Variants in MRE11 observed in about 807,000 individuals in gnomAD.
MRE11 encodes double-strand break repair protein MRE11.
Under a neutral mutation model 91.7 loss-of-function variants are expected in MRE11, and 62 were observed. The observed-to-expected ratio is 0.68, with a 90% CI of 0.55 to 0.84. MRE11 has a LOEUF of 0.84. Ranked by LOEUF, MRE11 falls within the 40% of genes least tolerant of loss-of-function variation. The pLI is 0.00. For synonymous variants in MRE11, 273 were observed against 271.4 expected (o/e 1.01, Z -0.06); for missense variants, 796 against 852.9 (o/e 0.93, Z 0.83).
intron 7 of MRE11, among the ~76,000 whole-genome samples, chr11:94,474,118 G>C (rs1946789010): frequency 6.6e-6 from 1 of 152,132 alleles, no homozygotes; most frequent in Non-Finnish European, 1.5e-5. Flanking sequence ...AGCACACCTA[G>C]TACGCATTTG....
the MRE11 span, among the ~76,000 whole-genome samples, chr11:94,505,850 G>A: frequency 6.6e-6 from 1 of 152,076 alleles, no homozygotes; most frequent in African/African-American, 2.4e-5. Flanking sequence ...TATTTTTACC[G>A]TACCGTCTCT....
At chr11:94,423,780 C>G (rs1040302698) in intron 19 of MRE11, among the ~76,000 whole-genome samples, 1 of 152,224 alleles carries the variant, frequency 6.6e-6, no homozygotes, top group Non-Finnish European at 1.5e-5. Flanking sequence ...GACGATGGAG[C>G]CACAGGCTGG....
At chr11:94,491,861 A>G (rs13447588) in intron 2 of MRE11, among the ~76,000 whole-genome samples, 2,461 of 151,440 alleles carry the variant, frequency 0.016, 68 homozygotes, top group African/African-American at 0.057. Context: ...TGATATGCAC[A>G]CAGTTCTCAC....
At chr11:94,476,020 G>C (rs1183137672) in intron 7 of MRE11, among the ~76,000 whole-genome samples, 1 of 152,120 alleles carries the variant, frequency 6.6e-6, no homozygotes, top group Non-Finnish European at 1.5e-5. Flanking sequence ...TAAAGGAATG[G>C]ATAATCCAAC....
intron 19 of MRE11, 26 bp downstream of exon 19, chr11:94,429,885 A>C: frequency 6.4e-7 from 1 of 1,564,540 alleles, no homozygotes; most frequent in Non-Finnish European, 8.7e-7. Flanking sequence ...AAAATTAATT[A>C]AAATTTAACA....
intron 6 of MRE11, among the ~76,000 whole-genome samples, chr11:94,478,519 C>T (rs1370426966): frequency 2.0e-5 from 3 of 152,130 alleles, no homozygotes; most frequent in African/African-American, 7.2e-5. Context: ...CAGGATTCTA[C>T]ACCTGAGTCT....
chr11:94,510,936 T>A, the MRE11 span, among the ~76,000 whole-genome samples: 1 of 152,202 alleles, frequency 6.6e-6, no homozygotes. Flanking sequence ...TTTTTGTATG[T>A]TTTGTTCATG....
chr11:94,442,495 TAAAAC>T (rs1945808818), intron 16 of MRE11, among the ~76,000 whole-genome samples: 1 of 151,428 alleles, frequency 6.6e-6, no homozygotes, highest in Non-Finnish European at 1.5e-5. Context: ...AAAAGAAAAA[TAAAAC>T]AAGACAGGAC....
chr11:94,417,926 A>G lies in MRE11; in HGVS notation c.*2199T>C, dbSNP rs991221933. ...GCACTGTTGTATTTTTATGATAGGA[A>G]ATAAAACACCAGAAAGACACTTATT... is the stretch of plus-strand genomic sequence containing the variant. On this transcript the variant is annotated 3_prime_UTR_variant, in exon 20 of 20. Transcript: ENST00000323929. 4.3e-6 allele frequency: 1 copy of G among 233,072 alleles called. No homozygotes were observed. The allele number at this position is 233,072 out of a possible 1,614,324, so 14.4% of individuals were successfully genotyped here. A position where few individuals can be genotyped will look rare whatever the true frequency, so the allele number is the denominator to read the frequency against.
At chr11:94,466,391 T>C in intron 10 of MRE11, 2 of 459,254 alleles carry the variant, frequency 4.4e-6, no homozygotes, top group Admixed American at 2.1e-5. Flanking sequence ...GAAGTATTAA[T>C]AAGGGCTTCA....
chr11:94,476,763 C>T (rs940330894), intron 6 of MRE11, among the ~76,000 whole-genome samples: 2 of 151,948 alleles, frequency 1.3e-5, no homozygotes, highest in African/African-American at 4.8e-5. Flanking sequence ...CTCCATTGCC[C>T]AGGCTGGAGT....
At chr11:94,493,062 G>A (rs1947333241) in intron 1 of MRE11, among the ~76,000 whole-genome samples, 156 bp from the exon 2 acceptor site, 1 of 151,888 alleles carries the variant, frequency 6.6e-6, no homozygotes, top group Non-Finnish European at 1.5e-5. Context: ...TTTTTTTAAT[G>A]AACTGAGCAT....
At chr11:94,460,021 A>G (rs985145213) in intron 12 of MRE11, among the ~76,000 whole-genome samples, 1 of 151,972 alleles carries the variant, frequency 6.6e-6, no homozygotes, top group African/African-American at 2.4e-5. Context: ...TGAAAAGCAC[A>G]AGAGGGAGGC....
chr11:94,433,234 T>G (rs1945512571), intron 18 of MRE11, among the ~76,000 whole-genome samples: 1 of 152,244 alleles, frequency 6.6e-6, no homozygotes, highest in African/African-American at 2.4e-5. Context: ...CAGATAAGCT[T>G]GTTTACACTT....
At chr11:94,466,569 A>T (rs143312616) in intron 10 of MRE11, 3 of 502,980 alleles carry the variant, frequency 6.0e-6, no homozygotes, top group African/African-American at 1.9e-5. Context: ...ATACTTTTGC[A>T]CCAACCTAAT....
intron 16 of MRE11, among the ~76,000 whole-genome samples, chr11:94,444,250 T>C (rs1394501162): frequency 6.6e-6 from 1 of 152,140 alleles, no homozygotes. Context: ...TGAATGATCA[T>C]ATATAGTTGA....
intron 16 of MRE11, 67 bp from the exon 17 acceptor site, chr11:94,437,302 T>C (rs901348694): frequency 8.1e-6 from 12 of 1,474,646 alleles, no homozygotes; most frequent in Non-Finnish European, 9.4e-6. Context: ...CTTGCATACT[T>C]CTTTAGCTAA....
At chr11:94,422,493 T>TATCATC (rs376437179) in intron 19 of MRE11, among the ~76,000 whole-genome samples, 2 of 151,882 alleles carry the variant, frequency 1.3e-5, no homozygotes, top group Admixed American at 6.6e-5. Flanking sequence ...GCTCTTGGGA[T>TATCATC]ATCATCATCA....
At chr11:94,437,862 C>T (rs1478197262) in intron 16 of MRE11, among the ~76,000 whole-genome samples, 2 of 152,150 alleles carry the variant, frequency 1.3e-5, no homozygotes, top group Admixed American at 6.5e-5. Flanking sequence ...CAGTGGCTCA[C>T]GCCTGTAATC....
Sources: gnomAD v4.1 joint callset for allele counts (sites outside exome capture counted in the v4.1 genomes callset) on GRCh38, gnomAD v4.1.1 for gene constraint, MANE v1.5 for transcripts, NCBI Gene and HGNC (gene_info 2026-07-23, HGNC 2026-07-21) for gene names.